LHPP: variants seen among roughly 807,000 people sequenced by gnomAD.
The protein encoded by LHPP is hLHPP.
A neutral mutation model predicts 30.3 loss-of-function variants in LHPP; 24 were observed. The observed-to-expected ratio is 0.79, with a 90% CI of 0.57 to 1.11. The LOEUF is 1.11. Among genes scored for constraint, LHPP ranks in the 50% most tolerant of loss-of-function variants. The pLI, the probability that LHPP is intolerant of heterozygous loss-of-function variation, is 0.00. For synonymous variants in LHPP, 150 were observed against 157.1 expected (o/e 0.95, Z 0.34); for missense variants, 356 against 367.2 (o/e 0.97, Z 0.25).
Position 124,588,956 on chromosome 10 carries a change from G to A in LHPP, c.717-24308G>A, listed in dbSNP as rs115428534. ...GTCAGTTTCTTGACCAGCCACAGCC[G>A]GTGCAGCGCGGTTATTTATAGCCCT... is the stretch of plus-strand genomic sequence containing the variant. On this transcript the variant is annotated intron_variant, in intron 6 of 6. Transcript: ENST00000368842. 7.0e-3 allele frequency among the ~76,000 whole-genome samples: 1,067 copies of A among 152,332 alleles called. 14 individuals carry two copies. Among genetic ancestry groups the A allele is most frequent in the African/African-American group, 0.025 (1,039 of 41,564 alleles).
intron 3 of LHPP, chr10:124,493,889 T>C (rs1204803454): frequency 6.6e-6 from 1 of 152,212 alleles, no homozygotes; most frequent in East Asian, 1.9e-4. Flanking sequence ...ATTTGCTCTG[T>C]CTCTAAAAAA....
chr10:124,577,028 TAG>T (rs1948672675), intron 6 of LHPP, among the ~76,000 whole-genome samples: 1 of 152,224 alleles, frequency 6.6e-6, no homozygotes, highest in African/African-American at 2.4e-5. Context: ...AACCGAATAA[TAG>T]AGTCTACTGA....
chr10:124,520,736 G>T (rs1211731476), intron 6 of LHPP, among the ~76,000 whole-genome samples: 49 of 152,172 alleles, frequency 3.2e-4, no homozygotes, highest in Admixed American at 3.2e-3. Context: ...AGGGATGGGA[G>T]GTCTCCCAGC....
intron 6 of LHPP, among the ~76,000 whole-genome samples, chr10:124,608,264 G>A (rs1949120835): frequency 6.6e-6 from 1 of 151,972 alleles, no homozygotes; most frequent in Non-Finnish European, 1.5e-5. Context: ...GTGTCCGTCC[G>A]TCTGCCTGTC....
chr10:124,462,061 G>A, intron 1 of LHPP, 74 bp downstream of exon 1: 1 of 1,167,910 alleles, frequency 8.6e-7, no homozygotes, highest in Non-Finnish European at 1.1e-6. Flanking sequence ...CCGGCAGGGG[G>A]CGGGGCGGCA....
intron 5 of LHPP, among the ~76,000 whole-genome samples, chr10:124,506,676 G>A (rs1405273381): frequency 8.5e-6 from 1 of 117,900 alleles, no homozygotes; most frequent in African/African-American, 3.0e-5. Flanking sequence ...CAGGTTGGGG[G>A]GTAGGGAAGA....
chr10:124,475,030 C>CTTTTT lies in LHPP; in HGVS notation c.126-9103_126-9099dup, dbSNP rs57739169. ...GAAATGTGCCAGGTGCTTCTCATGTCTTTTTTTTTTGAAATGGAGTCTCGC... is the reference window on the plus strand; with the variant it reads ...GAAATGTGCCAGGTGCTTCTCATGTCTTTTTTTTTTTTTTTGAAATGGAGTCTCGC... On this transcript the variant is annotated intron_variant, in intron 1 of 6. Transcript: ENST00000368842. Among the ~76,000 whole-genome samples the CTTTTT allele has an allele frequency of 5.1e-5, 5 of 98,656 alleles. 1 individual carries two copies. Among genetic ancestry groups the CTTTTT allele is most frequent in the East Asian group, 3.6e-4 (1 of 2,754 alleles). 64.7% of individuals were successfully genotyped at this position (98,656 alleles called of 152,430 possible). A position where few individuals can be genotyped will look rare whatever the true frequency, so the allele number is the denominator to read the frequency against.
At chr10:124,483,249 T>C (rs1333255385) in intron 1 of LHPP, among the ~76,000 whole-genome samples, 40 of 152,140 alleles carry the variant, frequency 2.6e-4, no homozygotes, top group African/African-American at 2.4e-5. Context: ...CCATTGACAG[T>C]GATGAGAAGA....
chr10:124,535,874 C>T (rs966378253), intron 6 of LHPP, among the ~76,000 whole-genome samples: 19 of 152,262 alleles, frequency 1.2e-4, no homozygotes, highest in African/African-American at 4.1e-4. Flanking sequence ...CCGTGGGCCC[C>T]TGAGCACCAG....
chr10:124,504,917 T>C (rs1018619799), intron 5 of LHPP, among the ~76,000 whole-genome samples: 9 of 152,208 alleles, frequency 5.9e-5, no homozygotes, highest in Non-Finnish European at 1.3e-4. Flanking sequence ...GGAGCGGGGC[T>C]GTGGATTCCT....
At chr10:124,464,237 C>T (rs567698547) in intron 1 of LHPP, among the ~76,000 whole-genome samples, 1 of 152,210 alleles carries the variant, frequency 6.6e-6, no homozygotes, top group East Asian at 1.9e-4. Context: ...GGCTAACTGC[C>T]AGGACTTGGC....
intron 6 of LHPP, among the ~76,000 whole-genome samples, chr10:124,556,589 G>C (rs2133965986): frequency 6.6e-6 from 1 of 152,276 alleles, no homozygotes; most frequent in East Asian, 1.9e-4. Context: ...TAAGGTGTTT[G>C]GTACTTCTGC....
chr10:124,462,732 C>T (rs957307282), intron 1 of LHPP, among the ~76,000 whole-genome samples: 3 of 152,254 alleles, frequency 2.0e-5, no homozygotes, highest in African/African-American at 7.2e-5. Flanking sequence ...GAGTCTTGCT[C>T]TGTCGCCCAG....
At chr10:124,578,982 A>C (rs556844428) in intron 6 of LHPP, among the ~76,000 whole-genome samples, 1 of 152,264 alleles carries the variant, frequency 6.6e-6, no homozygotes, top group African/African-American at 2.4e-5. Flanking sequence ...CCGCTGTGTA[A>C]GCCTGGGAAA....
chr10:124,594,682 A>G (rs969623210), intron 6 of LHPP, among the ~76,000 whole-genome samples: 6 of 151,062 alleles, frequency 4.0e-5, no homozygotes, highest in Non-Finnish European at 7.4e-5. Context: ...CCAGGCTGGA[A>G]TGCAGTGGTG....
chr10:124,529,110 T>C (rs573701553), intron 6 of LHPP, among the ~76,000 whole-genome samples: 299 of 142,070 alleles, frequency 2.1e-3, no homozygotes, highest in Middle Eastern at 3.9e-3. Context: ...CGGCTCACTG[T>C]AAGCTCCGCC....
At chr10:124,604,184 C>A (rs183012731) in intron 6 of LHPP, among the ~76,000 whole-genome samples, 1 of 152,330 alleles carries the variant, frequency 6.6e-6, no homozygotes, top group East Asian at 1.9e-4. Flanking sequence ...GACCTGCTTC[C>A]AGAACCCAGG....
chr10:124,467,898 C>T lies in LHPP; in HGVS notation c.125+5911C>T, dbSNP rs544638265. Among the ~76,000 whole-genome samples, 5 of 152,148 alleles carry T rather than the reference C, an allele frequency of 3.3e-5. No homozygotes were observed. In the South Asian group the frequency reaches 6.2e-4, roughly 19 times the overall value. Reference sequence around the variant, plus strand: ...TAATCATTTGTATTTTTAGTAGAGACGGGGTTTCACCATGTTGACCAGGCT... The same window carrying T: ...TAATCATTTGTATTTTTAGTAGAGATGGGGTTTCACCATGTTGACCAGGCT... On this transcript the variant is annotated intron_variant, in intron 1 of 6. Transcript: ENST00000368842.
chr10:124,526,486 C>T (rs1256324745), intron 6 of LHPP, among the ~76,000 whole-genome samples: 1 of 152,208 alleles, frequency 6.6e-6, no homozygotes, highest in Non-Finnish European at 1.5e-5. Flanking sequence ...AGGCCTGTGC[C>T]CCTGAACATT....
Sources: allele counts gnomAD v4.1 joint callset (sites outside exome capture counted in the v4.1 genomes callset), GRCh38; gene constraint gnomAD v4.1.1; transcripts MANE v1.5; gene names NCBI Gene and HGNC (gene_info 2026-07-23, HGNC 2026-07-21).